ABCB11: variants seen among roughly 807,000 people sequenced by gnomAD.
The protein encoded by ABCB11 is bile salt export pump.
ABCB11 carries 95 observed loss-of-function variants against 148.0 expected under a neutral mutation model. The observed-to-expected ratio is 0.64, with a 90% CI of 0.54 to 0.76. The LOEUF (loss-of-function observed/expected upper bound fraction) is 0.76. Among genes scored for constraint, ABCB11 ranks in the 30% least tolerant of loss-of-function variants. ABCB11 has a pLI of 0.00. For missense variants in ABCB11, 1,523 were observed against 1,617.8 expected (o/e 0.94, Z 1.01); for synonymous variants, 591 against 555.4 (o/e 1.06, Z -0.90).
chr2:169,018,223 G>A (rs557468716), intron 1 of ABCB11, 71 bp from the exon 2 acceptor site: 66 of 1,386,026 alleles, frequency 4.8e-5, no homozygotes, highest in South Asian at 1.4e-4. Flanking sequence ...GTAGCCAAAC[G>A]AAAGAACAAT....
intron 7 of ABCB11, among the ~76,000 whole-genome samples, chr2:168,994,769 G>A (rs1042062694): frequency 2.0e-5 from 3 of 152,018 alleles, no homozygotes; most frequent in African/African-American, 4.8e-5. Flanking sequence ...TTGGAGTGAA[G>A]AGAGCTTGGA....
chr2:168,997,043 C>T (rs1694739964), intron 5 of ABCB11, among the ~76,000 whole-genome samples: 1 of 151,910 alleles, frequency 6.6e-6, no homozygotes, highest in Admixed American at 6.6e-5. Flanking sequence ...AGCCAGGGTA[C>T]CCTAAATGGC....
intron 1 of ABCB11, among the ~76,000 whole-genome samples, chr2:169,027,708 G>C (rs755432819): frequency 2.5e-4 from 38 of 152,050 alleles, no homozygotes; most frequent in South Asian, 4.2e-4. Flanking sequence ...GGAGATACAG[G>C]GTTCTACAAG....
At chr2:168,997,729 G>A (rs1401859252) in intron 5 of ABCB11, among the ~76,000 whole-genome samples, 3 of 151,804 alleles carry the variant, frequency 2.0e-5, no homozygotes, top group Non-Finnish European at 4.4e-5. Flanking sequence ...ATTGAACTCA[G>A]GTCAAGCATT....
chr2:168,942,640 G>T (rs1692121690), intron 21 of ABCB11, among the ~76,000 whole-genome samples: 1 of 151,738 alleles, frequency 6.6e-6, no homozygotes, highest in Admixed American at 6.6e-5. Flanking sequence ...CAAAGGATAA[G>T]TGCTTGAGGG....
chr2:169,002,189 G>C (rs139011437), intron 5 of ABCB11, among the ~76,000 whole-genome samples: 205 of 152,170 alleles, frequency 1.3e-3, no homozygotes, highest in African/African-American at 4.8e-3. Flanking sequence ...AAAGATAAAA[G>C]GGTCAATCCA....
rs1693590069 is a variant in ABCB11 at position 168,971,842 on chromosome 2, G to A, written c.1638+5C>T. On this transcript the variant is annotated splice_donor_5th_base_variant and intron_variant, in intron 14 of 27. Transcript: ENST00000650372. ...TTTCTCCCAGGAATGTATGGCTAGG[G>A]GTACCTGTGGCAGGTCCATGATGAA... 1 of 1,611,904 alleles carries A rather than the reference G, an allele frequency of 6.2e-7. No homozygotes were observed. The highest frequency in any genetic ancestry group is 1.3e-5 in the African/African-American group (1 of 74,798).
chr2:168,986,951 A>G (rs1346562764), intron 9 of ABCB11, among the ~76,000 whole-genome samples: 1 of 152,176 alleles, frequency 6.6e-6, no homozygotes, highest in Non-Finnish European at 1.5e-5. Flanking sequence ...GAATTCATGG[A>G]GAACTTTTAA....
chr2:168,936,757 T>C (rs1025604337), intron 21 of ABCB11, among the ~76,000 whole-genome samples: 6 of 152,228 alleles, frequency 3.9e-5, no homozygotes, highest in Non-Finnish European at 8.8e-5. Context: ...CTACCCTAGG[T>C]ATCTCTAGAA....
rs753433179 is a variant in ABCB11, at chr2:168,990,908, C to T, written c.801G>A (p.Thr267=). ...TGGCATAGGCCTTCAGCTCATAGTC[C>T]GTAAACTTGGACACACTCTAAAAAT... ...ATIGLSVSKF[T]DYELKAYAKA... Residue 267 remains threonine, a synonymous_variant, in exon 9 of 28, where the codon ACG becomes ACA. Coordinates refer to ENST00000650372, the MANE Select transcript of ABCB11 (RefSeq NM_003742.4). 5.5e-5 allele frequency: 88 copies of T among 1,612,392 alleles called. No individual in the cohort carries two copies. The highest frequency in any genetic ancestry group is 6.2e-5 in the Non-Finnish European group (73 of 1,179,066).
At chr2:168,966,568 A>C (rs1380728673) in intron 17 of ABCB11, among the ~76,000 whole-genome samples, 1 of 151,894 alleles carries the variant, frequency 6.6e-6, no homozygotes, top group Admixed American at 6.6e-5. Flanking sequence ...GCAAATAAAA[A>C]CAACTAACTT....
intron 10 of ABCB11, 41 bp downstream of exon 10, chr2:168,986,069 C>A: frequency 7.1e-7 from 1 of 1,413,232 alleles, no homozygotes; most frequent in Admixed American, 2.6e-5. Flanking sequence ...TCTGAGATAC[C>A]AGAAGGAAAT....
Position 168,972,096 on chromosome 2 carries a change from G to C in ABCB11, c.1435-46C>G, listed in dbSNP as rs755852296. The C allele has an allele frequency of 8.4e-6, 13 of 1,552,660 alleles. No individual in the cohort carries two copies. The South Asian group carries it at 1.4e-4, about 16-fold the overall frequency. On this transcript the variant is annotated intron_variant, in intron 13 of 27. Transcript: ENST00000650372. ...ATCACAACTTTTGGAATCTTTCAGG[G>C]TTCTGAATCATAATATTATGTCATA...
intron 2 of ABCB11, chr2:169,017,816 G>T: frequency 3.0e-6 from 2 of 665,214 alleles, no homozygotes; most frequent in Admixed American, 2.0e-5. Flanking sequence ...GAAAGGTGTT[G>T]GTGAGAGATG....
At chr2:168,970,541 A>T in intron 14 of ABCB11, 2 of 423,116 alleles carry the variant, frequency 4.7e-6, no homozygotes, top group Non-Finnish European at 4.3e-6. Context: ...GGATTAAAGC[A>T]CAGAGCAAAT....
chr2:169,014,392 T>C lies in ABCB11; in HGVS notation c.99-38A>G, dbSNP rs1216381843. 10 of 1,576,262 alleles carry C rather than the reference T, an allele frequency of 6.3e-6. No individual in the cohort carries two copies. The East Asian group carries it at 2.2e-4, about 35-fold the overall frequency. On this transcript the variant is annotated intron_variant, in intron 3 of 27. Coordinates refer to ENST00000650372, the MANE Select transcript of ABCB11 (RefSeq NM_003742.4). ...ACATAAGGATTTAAAGACCACCCTTTCCAATACAATGGGAAATTCTCCCTA... is the reference window on the plus strand; with the variant it reads ...ACATAAGGATTTAAAGACCACCCTTCCCAATACAATGGGAAATTCTCCCTA...
intron 10 of ABCB11, 115 bp from the exon 11 acceptor site, chr2:168,980,094 G>A: frequency 1.7e-6 from 1 of 590,660 alleles, no homozygotes; most frequent in Non-Finnish European, 3.0e-6. Context: ...CTCTTCTGTG[G>A]GTTCAAAAGC....
chr2:169,018,182 A>G (rs1695422574), intron 1 of ABCB11, 30 bp from the exon 2 acceptor site: 1 of 1,561,414 alleles, frequency 6.4e-7, no homozygotes, highest in Admixed American at 1.7e-5. Context: ...AATCATTGCA[A>G]TTATTATCTC....
chr2:169,030,273 G>A (rs1435748446), intron 1 of ABCB11, among the ~76,000 whole-genome samples: 1 of 152,054 alleles, frequency 6.6e-6, no homozygotes, highest in African/African-American at 2.4e-5. Flanking sequence ...GGGGTGGAGT[G>A]TAAACAGAAG....
Sources: gnomAD v4.1 joint callset for allele counts (sites outside exome capture counted in the v4.1 genomes callset) on GRCh38, gnomAD v4.1.1 for gene constraint, MANE v1.5 for transcripts, NCBI Gene and HGNC (gene_info 2026-07-23, HGNC 2026-07-21) for gene names.